LILRB2: variants seen among roughly 807,000 people sequenced by gnomAD.
The protein encoded by LILRB2 is leukocyte immunoglobulin like receptor B2, also known as leukocyte immunoglobulin-like receptor subfamily B member 2.
In LILRB2, 47 loss-of-function variants were observed where a neutral mutation model predicts 72.7. The observed-to-expected ratio is 0.65, with a 90% confidence interval of 0.51 to 0.82. The LOEUF is 0.82. Ranked by LOEUF, LILRB2 falls within the 40% of genes least tolerant of loss-of-function variation. LILRB2 has a pLI of 0.00. For synonymous variants in LILRB2, 279 were observed against 313.7 expected (o/e 0.89, Z 1.17); for missense variants, 767 against 764.8 (o/e 1.00, Z -0.03).
chr19:54,275,889 C>A, intron 13 of LILRB2, 62 bp downstream of exon 13: 1 of 1,589,136 alleles, frequency 6.3e-7, no homozygotes, highest in Non-Finnish European at 8.6e-7. Context: ...ACAGAGAAGT[C>A]CTGCTGGATT....
Position 54,274,563 on chromosome 19 carries a change from T to G in LILRB2, c.*120A>C. 6.5e-7 allele frequency: 1 copy of G among 1,542,070 alleles called. No individual in the cohort carries two copies. The highest frequency in any genetic ancestry group is 1.4e-5 in the African/African-American group (1 of 72,894). On this transcript the variant is annotated 3_prime_UTR_variant, in exon 14 of 14. Transcript: ENST00000314446. ...TCCCAAAGTTCCCAGCATCTCCTCA[T>G]GGTCTTTGTTAGGGGTCCAGGCTGA...
chr19:54,274,567 C>T lies in LILRB2; in HGVS notation c.*116G>A. 6.4e-7 allele frequency: 1 copy of T among 1,553,052 alleles called. No individual in the cohort carries two copies. The highest frequency in any genetic ancestry group is 1.2e-5 in the South Asian group (1 of 82,912). On this transcript the variant is annotated 3_prime_UTR_variant, in exon 14 of 14. Transcript: ENST00000314446. The stretch of plus-strand genomic sequence containing the variant: ...AAAGTTCCCAGCATCTCCTCATGGT[C>T]TTTGTTAGGGGTCCAGGCTGACTGG...
Position 54,280,246 on chromosome 19 carries a change from A to T in LILRB2, c.70+18T>A. 7.4e-6 allele frequency: 12 copies of T among 1,613,524 alleles called. No individual in the cohort carries two copies. The highest frequency in any genetic ancestry group is 1.0e-5 in the Non-Finnish European group (12 of 1,179,890). ...CCAGTGAGGAGGAGGGACCTGGGAGAGCTGGGGACAGACTCACCTGTCTGC... is the reference window on the plus strand; with the variant it reads ...CCAGTGAGGAGGAGGGACCTGGGAGTGCTGGGGACAGACTCACCTGTCTGC... On this transcript the variant is annotated intron_variant, in intron 3 of 13. Transcript: ENST00000314446.
intron 7 of LILRB2, 123 bp downstream of exon 7, chr19:54,278,137 A>C: frequency 7.4e-7 from 1 of 1,351,644 alleles, no homozygotes; most frequent in Non-Finnish European, 1.0e-6. Context: ...TCTGAGGGTG[A>C]GTCTCCCACT....
At chr19:54,274,916 C>A in intron 13 of LILRB2, 87 bp from the exon 14 acceptor site, 1 of 1,610,698 alleles carries the variant, frequency 6.2e-7, no homozygotes, top group Non-Finnish European at 8.5e-7. Context: ...CTCTCAGTGT[C>A]CATCTGTCTG....
Position 54,279,425 on chromosome 19 carries a change from G to A in LILRB2, c.578C>T (p.Ser193Leu), listed in dbSNP as rs771929420. 30 of 1,614,064 alleles carry A rather than the reference G, an allele frequency of 1.9e-5. No individual in the cohort carries two copies. Among genetic ancestry groups the A allele is most frequent in the Middle Eastern group, 1.6e-4 (1 of 6,084 alleles). Residue 193 changes from serine to leucine, a missense_variant, in exon 5 of 14, where the codon TCG becomes TTG. Around this residue, in one of 3 missense-constraint regions of LILRB2, gnomAD observed 599 missense variants for 568.2 expected, o/e 1.05. Coordinates refer to ENST00000314446, the MANE Select transcript of LILRB2 (RefSeq NM_001080978.4). ...CAAGTCATAACCATAGCACCTGTGC[G>A]ACCACCTGCGATTCGGGCTCACGGG... The part of the protein sequence containing the change: ...VGPVSPNRRW[S>L]HRCYGYDLNS...
In LILRB2 at chr19:54,275,823, G is replaced by T. The variant is rs2080190764; in HGVS notation, c.1647+128C>A. The T allele has an allele frequency of 3.2e-6, 4 of 1,254,934 alleles. No homozygotes were observed. In the South Asian group the frequency reaches 4.8e-5, roughly 15 times the overall value. 77.7% of individuals were successfully genotyped at this position (1,254,934 alleles called of 1,614,324 possible). A position where few individuals can be genotyped will look rare whatever the true frequency, so the allele number is the denominator to read the frequency against. ...GTGAGGTCACAGCAGGCGGGAGGCA[G>T]CGTGCTGGACAAGGAGGGGTCCACC... On this transcript the variant is annotated intron_variant, in intron 13 of 13. Coordinates refer to ENST00000314446, the MANE Select transcript of LILRB2 (RefSeq NM_001080978.4).
Position 54,274,783 on chromosome 19 carries a change from T to C in LILRB2, c.1694A>G (p.His565Arg), listed in dbSNP as rs1208104835. Residue 565 changes from histidine to arginine, a missense_variant, in exon 14 of 14, where the codon CAC (histidine) becomes CGC (arginine). His to Arg is a conservative substitution (Grantham distance 29). Coordinates refer to ENST00000314446, the MANE Select transcript of LILRB2 (RefSeq NM_001080978.4). Reference sequence around the variant, plus strand: ...TGCCTTCCGTCTGAGGGTCAAGCTGTGCAGCTGGGCGTAGGTCACATCCTG... The same window carrying C: ...TGCCTTCCGTCTGAGGGTCAAGCTGCGCAGCTGGGCGTAGGTCACATCCTG... ...APQDVTYAQL[H>R]SLTLRRKATE... 4 of 1,608,440 alleles carry C rather than the reference T, an allele frequency of 2.5e-6. No homozygotes were observed. In the South Asian group the frequency reaches 4.4e-5, roughly 18 times the overall value.
At position 54,279,468 on chromosome 19, in the gene LILRB2, C is replaced by G. The variant is rs771068803; in HGVS notation, c.535G>C (p.Ala179Pro). 110 of 1,614,038 alleles carry G rather than the reference C, an allele frequency of 6.8e-5. No individual in the cohort carries two copies. The highest frequency in any genetic ancestry group is 9.1e-5 in the Non-Finnish European group (107 of 1,180,026). The change falls in exon 5 of 14, where the codon GCC becomes CCC. Residue 179 changes from alanine (A) to proline (P), a missense_variant. Physicochemically the swap from Ala to Pro is conservative, Grantham distance 27 (BLOSUM62 -1). This residue lies in a region of LILRB2 where 599 missense variants were observed against 568.2 expected (regional missense o/e 1.05). Coordinates refer to ENST00000314446, the MANE Select transcript of LILRB2 (RefSeq NM_001080978.4). The stretch of plus-strand genomic sequence containing the variant: ...CTCACGGGGCCCACGGAGAAGATGG[C>G]GCGGGACGACCCACGGGCATGGGGC... ...SQPHARGSSRAIFSVGPVSPN... is the reference protein window; with the variant it reads ...SQPHARGSSRPIFSVGPVSPN...
rs757229200 is a variant in LILRB2 at position 54,276,493 on chromosome 19, A to T, written c.1481-37T>A. The T allele has an allele frequency of 1.1e-5, 15 of 1,412,334 alleles. No individual in the cohort carries two copies. The East Asian group carries it at 1.4e-4, about 13-fold the overall frequency. The allele number at this position is 1,412,334 out of a possible 1,614,324, so 87.5% of individuals were successfully genotyped here. On this transcript the variant is annotated intron_variant, in intron 10 of 13. Transcript: ENST00000314446. ...AGGACAGAGCCTCAGCCCTGGGAAC[A>T]TTGGAGCCCCCTGCCCTGCACACAC...
chr19:54,275,343 G>A, intron 13 of LILRB2: 1 of 545,142 alleles, frequency 1.8e-6, no homozygotes, highest in Non-Finnish European at 3.4e-6. Context: ...TGCCTGCAGG[G>A]GCTCGTCCAT....
intron 13 of LILRB2, chr19:54,275,074 G>A (rs1424595619): frequency 1.2e-6 from 2 of 1,606,126 alleles, no homozygotes; most frequent in Non-Finnish European, 8.5e-7. Context: ...CTGCTGGAGA[G>A]AGACAGTGGT....
chr19:54,280,324 A>G, intron 2 of LILRB2, 25 bp from the exon 3 acceptor site: 1 of 1,613,908 alleles, frequency 6.2e-7, no homozygotes, highest in Non-Finnish European at 8.5e-7. Context: ...CCTGTGAGGG[A>G]TTTGCCCCCT....
At chr19:54,280,128 C>G in intron 3 of LILRB2, 53 bp from the exon 4 acceptor site, 1 of 1,609,578 alleles carries the variant, frequency 6.2e-7, no homozygotes, top group Non-Finnish European at 8.5e-7. Flanking sequence ...CAACAGATCT[C>G]AGCTCTCAGC....
At chr19:54,280,120 A>G in intron 3 of LILRB2, 45 bp from the exon 4 acceptor site, 1 of 1,610,618 alleles carries the variant, frequency 6.2e-7, no homozygotes, top group Non-Finnish European at 8.5e-7. Flanking sequence ...TTCCCACCCA[A>G]CAGATCTCAG....
Position 54,276,509 on chromosome 19 carries a change from C to T in LILRB2, c.1481-53G>A, listed in dbSNP as rs2080235977. 5.3e-6 allele frequency: 7 copies of T among 1,312,742 alleles called. No individual in the cohort carries two copies. The South Asian group carries it at 8.5e-5, about 16-fold the overall frequency. The allele number at this position is 1,312,742 out of a possible 1,614,324, so 81.3% of individuals were successfully genotyped here. ...CCTGGGAACATTGGAGCCCCCTGCC[C>T]TGCACACACAGCTCGAAGGTAAGGA... On this transcript the variant is annotated intron_variant, in intron 10 of 13. Transcript: ENST00000314446.
In LILRB2 at chr19:54,278,239, G is replaced by GGACA. The variant is rs1569101377; in HGVS notation, c.1258+17_1258+20dup. 3.7e-6 allele frequency: 6 copies of GGACA among 1,613,690 alleles called. No individual in the cohort carries two copies. In the Admixed American group the frequency reaches 1.0e-4, roughly 27 times the overall value. ...TGAGCTGAGCCTTTGAGCTCAGAGA[G>GGACA]GACAGGGTCAAGGCCCCCACCTGAG... On this transcript the variant is annotated intron_variant, in intron 7 of 13. Transcript: ENST00000314446.
Position 54,276,305 on chromosome 19 carries a change from G to C in LILRB2, c.1557-4C>G. ...GGCGTCGGCAGCTGGGCTGGACCTG[G>C]GGGAGGAATGGGAGCTTTAGGGGCA... is the stretch of plus-strand genomic sequence containing the variant. On this transcript the variant is annotated splice_polypyrimidine_tract_variant and splice_region_variant and intron_variant, in intron 11 of 13. Transcript: ENST00000314446. 2 of 1,614,128 alleles carry C rather than the reference G, an allele frequency of 1.2e-6. No homozygotes were observed. Among genetic ancestry groups the C allele is most frequent in the South Asian group, 2.2e-5 (2 of 91,086 alleles).
At chr19:54,279,752 G>A (rs1263467777) in intron 4 of LILRB2, 39 bp downstream of exon 4, 3 of 1,611,948 alleles carry the variant, frequency 1.9e-6, no homozygotes, top group Middle Eastern at 3.4e-4. Flanking sequence ...CCTTCCTGAG[G>A]GCAGAGCCTG....
Sources: gnomAD v4.1 joint callset for allele counts on GRCh38, gnomAD v4.1.1 for gene constraint, gnomAD v4.1.1 regional missense constraint, MANE v1.5 for transcripts, NCBI Gene and HGNC (gene_info 2026-07-23, HGNC 2026-07-21) for gene names.